Variants in RNF185 observed in about 807,000 individuals in gnomAD.
RNF185 encodes E3 ubiquitin-protein ligase RNF185.
A neutral mutation model predicts 24.9 loss-of-function variants in RNF185; 13 were observed. The ratio of observed to expected loss-of-function variants is 0.52; its 90% CI spans 0.34 to 0.83. The LOEUF (loss-of-function observed/expected upper bound fraction) is 0.83, where lower values mean the gene tolerates loss of function less well. RNF185 is among the 40% of genes least tolerant of loss of function. The pLI is 0.01. For synonymous variants in RNF185, 79 were observed against 90.3 expected (o/e 0.88, Z 0.71); for missense variants, 184 against 244.7 (o/e 0.75, Z 1.65).
At chr22:31,163,405 A>G (rs532623620) in intron 1 of RNF185, among the ~76,000 whole-genome samples, 47 of 149,948 alleles carry the variant, frequency 3.1e-4, no homozygotes, top group African/African-American at 1.1e-3. Context: ...ATAGCCTACT[A>G]CAGCCTTGAC....
At chr22:31,196,808 C>T (rs2048209560) in intron 4 of RNF185, 128 bp from the exon 5 acceptor site, 1 of 1,205,078 alleles carries the variant, frequency 8.3e-7, no homozygotes, top group African/African-American at 1.6e-5. Flanking sequence ...ATTAATCTGG[C>T]ATAAGTTCAT....
At chr22:31,198,462 G>A (rs1056028371) in intron 5 of RNF185, among the ~76,000 whole-genome samples, 3 of 140,426 alleles carry the variant, frequency 2.1e-5, no homozygotes, top group Admixed American at 7.6e-5. Context: ...GTAGTAGTGC[G>A]ATCTCGGCTC....
At chr22:31,181,303 C>T (rs1163203338) in intron 1 of RNF185, among the ~76,000 whole-genome samples, 1 of 151,738 alleles carries the variant, frequency 6.6e-6, no homozygotes, top group Non-Finnish European at 1.5e-5. Context: ...GTGATTGCAC[C>T]ACTGCACTCC....
intron 1 of RNF185, among the ~76,000 whole-genome samples, chr22:31,161,101 AG>A (rs1478773747): frequency 6.6e-6 from 1 of 152,202 alleles, no homozygotes; most frequent in Non-Finnish European, 1.5e-5. Context: ...TACGGCAAAG[AG>A]GGCTTCCACT....
At chr22:31,193,919 G>A (rs2048179202) in intron 3 of RNF185, among the ~76,000 whole-genome samples, 1 of 144,578 alleles carries the variant, frequency 6.9e-6, no homozygotes, top group South Asian at 2.2e-4. Context: ...TTTTGAGACA[G>A]TCTCATTCTG....
At chr22:31,170,630 C>T (rs1039795211) in intron 1 of RNF185, among the ~76,000 whole-genome samples, 2 of 152,056 alleles carry the variant, frequency 1.3e-5, no homozygotes, top group Admixed American at 1.3e-4. Flanking sequence ...CATGTCTCAG[C>T]CTTCCAAGTA....
chr22:31,192,506 G>A (rs532486789), intron 2 of RNF185, among the ~76,000 whole-genome samples, 178 bp from the exon 3 acceptor site: 1 of 151,826 alleles, frequency 6.6e-6, no homozygotes, highest in Admixed American at 6.6e-5. Flanking sequence ...TTTAATTTCC[G>A]ATACCAGTAA....
chr22:31,160,575 A>G (rs1315491333), intron 1 of RNF185, among the ~76,000 whole-genome samples: 9 of 152,198 alleles, frequency 5.9e-5, no homozygotes, highest in Non-Finnish European at 2.9e-5. Context: ...TTCCCATTCT[A>G]TCCCCCGTGC....
chr22:31,200,113 T>C (rs1023433394), intron 5 of RNF185, among the ~76,000 whole-genome samples: 2 of 152,098 alleles, frequency 1.3e-5, no homozygotes, highest in Non-Finnish European at 2.9e-5. Context: ...TCCCAGCACT[T>C]TGGGAGGCTG....
chr22:31,172,192 T>G (rs1267404781), intron 1 of RNF185, among the ~76,000 whole-genome samples: 1 of 151,308 alleles, frequency 6.6e-6, no homozygotes, highest in African/African-American at 2.4e-5. Flanking sequence ...TGTGTGAAAA[T>G]AAAAGTGAAA....
At chr22:31,187,623 A>G (rs952757852) in intron 2 of RNF185, among the ~76,000 whole-genome samples, 28 of 152,156 alleles carry the variant, frequency 1.8e-4, no homozygotes, top group African/African-American at 6.0e-4. Context: ...TGACTCTGCC[A>G]CCTTCCTGTT....
intron 6 of RNF185, among the ~76,000 whole-genome samples, chr22:31,203,900 G>A (rs2048287755): frequency 6.6e-6 from 1 of 151,972 alleles, no homozygotes; most frequent in Non-Finnish European, 1.5e-5. Flanking sequence ...AATTAGCCGG[G>A]TGTGGTGGTG....
intron 1 of RNF185, among the ~76,000 whole-genome samples, chr22:31,177,301 G>A (rs1036116797): frequency 6.6e-6 from 1 of 151,814 alleles, no homozygotes; most frequent in East Asian, 1.9e-4. Context: ...ATGAATCTTT[G>A]AAGATTCATT....
intron 1 of RNF185, among the ~76,000 whole-genome samples, chr22:31,174,933 T>C (rs899889275): frequency 6.6e-6 from 1 of 151,172 alleles, no homozygotes; most frequent in Non-Finnish European, 1.5e-5. Flanking sequence ...ATTAGTTGGG[T>C]GTGGTGGCGG....
At chr22:31,201,344 G>A (rs2048261491) in intron 5 of RNF185, among the ~76,000 whole-genome samples, 154 bp from the exon 6 acceptor site, 1 of 152,228 alleles carries the variant, frequency 6.6e-6, no homozygotes, top group Non-Finnish European at 1.5e-5. Context: ...ATATATGGGA[G>A]GAAAAGCTGT....
At position 31,184,016 on chromosome 22, in the gene RNF185, GC is replaced by G. The variant is rs1227721008; in HGVS notation, c.-48-3022del. Among the ~76,000 whole-genome samples the G allele has an allele frequency of 1.1e-3, 160 of 142,530 alleles. 1 individual carries two copies. The highest frequency in any genetic ancestry group is 4.2e-3 in the Middle Eastern group (1 of 238). 93.5% of individuals were successfully genotyped at this position (142,530 alleles called of 152,430 possible). On this transcript the variant is annotated intron_variant, in intron 1 of 6. Transcript: ENST00000326132. ...CGGGGCAGCTGGCCGGGCGGGGGCTGCCCCCCCCCACCTCCCGGACGGGGCG... is the reference window on the plus strand; with the variant it reads ...CGGGGCAGCTGGCCGGGCGGGGGCTGCCCCCCCCACCTCCCGGACGGGGCG...
chr22:31,189,325 C>T (rs1407711603), intron 2 of RNF185, among the ~76,000 whole-genome samples: 1 of 91,678 alleles, frequency 1.1e-5, no homozygotes, highest in Non-Finnish European at 1.9e-5. Flanking sequence ...CAGCCTTGCT[C>T]TCTTGCCCAG....
intron 1 of RNF185, among the ~76,000 whole-genome samples, chr22:31,166,862 C>T (rs1923955230): frequency 6.6e-6 from 1 of 152,124 alleles, no homozygotes; most frequent in Non-Finnish European, 1.5e-5. Context: ...GCTGGCCAGG[C>T]TGGTCTCGAA....
chr22:31,161,876 CTT>C (rs35063806), intron 1 of RNF185, among the ~76,000 whole-genome samples: 6 of 127,820 alleles, frequency 4.7e-5, no homozygotes, highest in Non-Finnish European at 9.8e-5. Context: ...CAAGTTCCAG[CTT>C]TTTTTTTTTT....
Sources: gnomAD v4.1 joint callset for allele counts (sites outside exome capture counted in the v4.1 genomes callset) on GRCh38, gnomAD v4.1.1 for gene constraint, MANE v1.5 for transcripts, NCBI Gene and HGNC (gene_info 2026-07-23, HGNC 2026-07-21) for gene names.